The following HS3ST1 variants were observed in gnomAD, a reference collection of about 807,000 sequenced individuals.
HS3ST1 encodes heparan sulfate-glucosamine 3-sulfotransferase 1.
A neutral mutation model predicts 20.7 loss-of-function variants in HS3ST1; 8 were observed. The ratio of observed to expected loss-of-function variants is 0.39; its 90% confidence interval spans 0.23 to 0.70. The LOEUF (loss-of-function observed/expected upper bound fraction) is 0.70, where lower values mean the gene tolerates loss of function less well. Ranked by LOEUF, HS3ST1 falls within the 30% of genes least tolerant of loss-of-function variation. The probability of loss-of-function intolerance (pLI) is 0.46; values close to 1 mark genes in which losing one functional copy is unlikely to be tolerated. For synonymous variants in HS3ST1, 205 were observed against 190.4 expected (o/e 1.08, Z -0.63); for missense variants, 436 against 423.4 (o/e 1.03, Z -0.26).
chr4:11,407,338 C>T (rs1437208517), intron 1 of HS3ST1, among the ~76,000 whole-genome samples: 2 of 152,104 alleles, frequency 1.3e-5, no homozygotes, highest in East Asian at 1.9e-4. Context: ...GAGGACTATT[C>T]GAATATCTCC....
Position 11,399,675 on chromosome 4 carries a change from A to G in HS3ST1, c.331T>C (p.Trp111Arg), listed in dbSNP as rs775031273. The change falls in exon 2 of 2, where the codon TGG (tryptophan) becomes CGG (arginine). Residue 111 changes from tryptophan to arginine, a missense_variant. By Grantham distance (101) the Trp-to-Arg change is moderately radical. Transcript: ENST00000002596. The surrounding 1 kb of genome is among the most constrained non-coding windows in gnomAD (Gnocchi z 5.1). ...GWYLSQMPFS[W>R]PHQLTVEKTP... ...TTCTCCACTGTGAGCTGGTGTGGCCAGGAGAAGGGCATCTGGCTGAGGTAC... is the reference window on the plus strand; with the variant it reads ...TTCTCCACTGTGAGCTGGTGTGGCCGGGAGAAGGGCATCTGGCTGAGGTAC... 2.5e-6 allele frequency: 4 copies of G among 1,613,686 alleles called. No homozygotes were observed. Among genetic ancestry groups the G allele is most frequent in the South Asian group, 1.1e-5 (1 of 91,080 alleles).
chr4:11,430,031 A>G (rs1232304734), upstream of HS3ST1, among the ~76,000 whole-genome samples: 1 of 152,132 alleles, frequency 6.6e-6, no homozygotes, highest in East Asian at 1.9e-4. Flanking sequence ...TTACGTTTAA[A>G]TATATTTCAC....
rs1718161206 is a variant in HS3ST1 at position 11,396,919 on chromosome 4, C to T, written c.*2163G>A. On this transcript the variant is annotated 3_prime_UTR_variant, in exon 2 of 2. Transcript: ENST00000002596. Reference sequence around the variant, plus strand: ...TGGTCCTGTCTTCCTCCACTCCTCCCCGCTGCCTCTTGCATCCACAGTTCA... The same window carrying T: ...TGGTCCTGTCTTCCTCCACTCCTCCTCGCTGCCTCTTGCATCCACAGTTCA... 1.3e-5 allele frequency: 2 copies of T among 152,486 alleles called. No homozygotes were observed. The highest frequency in any genetic ancestry group is 2.4e-5 in the African/African-American group (1 of 41,582). The allele number at this position is 152,486 out of a possible 1,614,324, so 9.4% of individuals were successfully genotyped here.
chr4:11,405,975 G>A (rs1718452894), intron 1 of HS3ST1, among the ~76,000 whole-genome samples: 1 of 152,146 alleles, frequency 6.6e-6, no homozygotes, highest in Non-Finnish European at 1.5e-5. Flanking sequence ...CTGGAACAGC[G>A]ATGCCTGCCA....
rs1718135070 is a variant in HS3ST1, at chr4:11,396,016, T to C, written c.*3066A>G. On this transcript the variant is annotated 3_prime_UTR_variant, in exon 2 of 2. Transcript: ENST00000002596. The stretch of plus-strand genomic sequence containing the variant: ...TCTTTTTATATTCTTGAGGACTCAA[T>C]ACCATGTTGAGCATGTGGTAGGGGA... The C allele has an allele frequency of 2.6e-5, 4 of 152,132 alleles. No homozygotes were observed. Among genetic ancestry groups the C allele is most frequent in the African/African-American group, 9.7e-5 (4 of 41,426 alleles). 9.4% of individuals were successfully genotyped at this position (152,132 alleles called of 1,614,324 possible).
intron 1 of HS3ST1, among the ~76,000 whole-genome samples, chr4:11,425,508 G>T (rs1719037377): frequency 1.3e-5 from 2 of 152,214 alleles, no homozygotes; most frequent in African/African-American, 4.8e-5. Flanking sequence ...ATTCTGAGAA[G>T]TAGTGAGGCC....
Position 11,394,339 on chromosome 4 carries a change from G to A in HS3ST1, c.*4743C>T, listed in dbSNP as rs1718082052. 1 of 152,158 alleles carries A rather than the reference G, an allele frequency of 6.6e-6. No homozygotes were observed. The highest frequency in any genetic ancestry group is 2.4e-5 in the African/African-American group (1 of 41,434). 9.4% of individuals were successfully genotyped at this position (152,158 alleles called of 1,614,324 possible). A position where few individuals can be genotyped will look rare whatever the true frequency, so the allele number is the denominator to read the frequency against. Reference sequence around the variant, plus strand: ...GAAATTTGGGCAAAATAGAGTAAAGGTCTTGACATCAGGGATAACTAAAGC... The same window carrying A: ...GAAATTTGGGCAAAATAGAGTAAAGATCTTGACATCAGGGATAACTAAAGC... On this transcript the variant is annotated 3_prime_UTR_variant, in exon 2 of 2. Coordinates refer to ENST00000002596, the MANE Select transcript of HS3ST1 (RefSeq NM_005114.4).
At chr4:11,423,955 G>GTTA (rs1718997418) in intron 1 of HS3ST1, among the ~76,000 whole-genome samples, 1 of 148,402 alleles carries the variant, frequency 6.7e-6, no homozygotes, top group Non-Finnish European at 1.5e-5. Context: ...CCCACATGGT[G>GTTA]TTATTTAGGA....
intron 1 of HS3ST1, among the ~76,000 whole-genome samples, chr4:11,409,508 C>T (rs1718561343): frequency 6.6e-6 from 1 of 152,212 alleles, no homozygotes. Context: ...CTCTGTCTCT[C>T]TCTCTCATTC....
chr4:11,411,248 A>C (rs1718625307), intron 1 of HS3ST1, among the ~76,000 whole-genome samples: 1 of 152,208 alleles, frequency 6.6e-6, no homozygotes, highest in Non-Finnish European at 1.5e-5. Flanking sequence ...GCATAGAAAT[A>C]ATATGAGTAG....
chr4:11,430,650 G>A (rs1719185696), upstream of HS3ST1, among the ~76,000 whole-genome samples: 1 of 152,158 alleles, frequency 6.6e-6, no homozygotes, highest in Non-Finnish European at 1.5e-5. Context: ...AAGGGGGTTA[G>A]CAATGATTCT....
intron 1 of HS3ST1, among the ~76,000 whole-genome samples, chr4:11,413,652 G>T (rs1456807482): frequency 6.6e-6 from 1 of 152,106 alleles, no homozygotes; most frequent in Non-Finnish European, 1.5e-5. Flanking sequence ...GGTATAGGGT[G>T]TGGAGAGGGA....
At position 11,401,194 on chromosome 4, in the gene HS3ST1, C is replaced by A. The variant is rs370753200; in HGVS notation, c.-108-1081G>T. On this transcript the variant is annotated intron_variant, in intron 1 of 1. Transcript: ENST00000002596. ...AGTGGAGGAAACATTTGAAATAGGC[C>A]TGGAGGGATAAACAAGTGAAATTAC... Among the ~76,000 whole-genome samples the A allele has an allele frequency of 5.9e-5, 9 of 152,178 alleles. No individual in the cohort carries two copies. In the East Asian group the frequency reaches 1.4e-3, roughly 23 times the overall value.
At chr4:11,426,533 G>T (rs1401568237) in intron 1 of HS3ST1, among the ~76,000 whole-genome samples, 4 of 152,162 alleles carry the variant, frequency 2.6e-5, no homozygotes, top group Non-Finnish European at 5.9e-5. Flanking sequence ...GCCATCTCAA[G>T]ATGCCAATTT....
chr4:11,431,131 C>T (rs552005088), upstream of HS3ST1, among the ~76,000 whole-genome samples: 24 of 151,808 alleles, frequency 1.6e-4, no homozygotes, highest in East Asian at 2.1e-3. Context: ...AGATTATAAA[C>T]GCCTTGAGCT....
In HS3ST1 at chr4:11,393,465, A is replaced by G. The variant is rs149777301; in HGVS notation, c.*5617T>C. 2 of 152,296 alleles carry G rather than the reference A, an allele frequency of 1.3e-5. No individual in the cohort carries two copies. The highest frequency in any genetic ancestry group is 1.3e-4 in the Admixed American group (2 of 15,306). The allele number at this position is 152,296 out of a possible 1,614,324, so 9.4% of individuals were successfully genotyped here. ...TGGGTTGATCACGTTATACATGTAAAATACAGAGAGAAGAAAACATGCATG... is the reference window on the plus strand; with the variant it reads ...TGGGTTGATCACGTTATACATGTAAGATACAGAGAGAAGAAAACATGCATG... On this transcript the variant is annotated 3_prime_UTR_variant, in exon 2 of 2. Transcript: ENST00000002596.
intron 1 of HS3ST1, among the ~76,000 whole-genome samples, chr4:11,411,854 G>GGCCT (rs1282226846): frequency 3.9e-5 from 6 of 152,166 alleles, no homozygotes; most frequent in African/African-American, 1.4e-4. Context: ...GGTGATTAAG[G>GGCCT]GCCTGGGTTT....
intron 1 of HS3ST1, among the ~76,000 whole-genome samples, chr4:11,425,535 C>CAGGTGGA (rs1367808578): frequency 6.6e-6 from 1 of 152,244 alleles, no homozygotes; most frequent in East Asian, 1.9e-4. Flanking sequence ...TTGTAGCATT[C>CAGGTGGA]AGGTGGAGTG....
rs1718049045 is a variant in HS3ST1 at position 11,393,236 on chromosome 4, C to T, written c.*5846G>A. ...AGCAATACCTTCATATTTGTTGGGC[C>T]CAGAATTGTTTTATGAAGTTGAAAT... is the stretch of plus-strand genomic sequence containing the variant. On this transcript the variant is annotated 3_prime_UTR_variant, in exon 2 of 2. Transcript: ENST00000002596. The T allele has an allele frequency of 6.6e-6, 1 of 152,064 alleles. No individual in the cohort carries two copies. Among genetic ancestry groups the T allele is most frequent in the Non-Finnish European group, 1.5e-5 (1 of 68,032 alleles). The allele number at this position is 152,064 out of a possible 1,614,324, so 9.4% of individuals were successfully genotyped here. A position where few individuals can be genotyped will look rare whatever the true frequency, so the allele number is the denominator to read the frequency against.
Sources: gnomAD v4.1 joint callset for allele counts (sites outside exome capture counted in the v4.1 genomes callset) on GRCh38, gnomAD v4.1.1 for gene constraint, Gnocchi (gnomAD v3.1) non-coding constraint, MANE v1.5 for transcripts, NCBI Gene and HGNC (gene_info 2026-07-23, HGNC 2026-07-21) for gene names.